COBLL1: variants seen among roughly 807,000 people sequenced by gnomAD.
COBLL1 encodes cordon-bleu protein-like 1.
A neutral mutation model predicts 94.8 loss-of-function variants in COBLL1; 50 were observed. The observed-to-expected ratio is 0.53, with a 90% CI of 0.42 to 0.67. COBLL1 has a LOEUF of 0.67. Among genes scored for constraint, COBLL1 ranks in the 30% least tolerant of loss-of-function variants. The probability of loss-of-function intolerance (pLI) is 0.00; values close to 1 mark genes in which losing one functional copy is unlikely to be tolerated. For synonymous variants in COBLL1, 448 were observed against 473.8 expected (o/e 0.95, Z 0.71); for missense variants, 1,362 against 1,348.7 (o/e 1.01, Z -0.15).
rs775076635 is a variant in COBLL1, at chr2:164,694,702, T to C, written c.2690A>G (p.Lys897Arg). Residue 897 changes from lysine (K) to arginine (R), a missense_variant, in exon 12 of 14, where the codon AAA becomes AGA. Lys to Arg is a conservative substitution (Grantham distance 26, BLOSUM62 2). Coordinates refer to ENST00000652658, the MANE Select transcript of COBLL1 (RefSeq NM_001365672.2). ...TTCTGCCTCTTTATTTGTCAGTTCTTTTGGAGCAGGATTAGGGGCAGCATG... is the reference window on the plus strand; with the variant it reads ...TTCTGCCTCTTTATTTGTCAGTTCTCTTGGAGCAGGATTAGGGGCAGCATG... ...SVHAAPNPAP[K>R]ELTNKEAERD... The C allele has an allele frequency of 1.9e-6, 3 of 1,613,832 alleles. No individual in the cohort carries two copies. Among genetic ancestry groups the C allele is most frequent in the South Asian group, 2.2e-5 (2 of 91,070 alleles).
Position 164,704,988 on chromosome 2 carries a change from G to A in COBLL1, c.1114C>T (p.Pro372Ser). The part of the protein sequence containing the change: ...RKAPSPPSKI[P>S]PHQSDENSRV... ...CTATTTTCATCACTTTGATGCGGGGGTATTTTGGAGGGTGGGGAAGGTGCT... is the reference window on the plus strand; with the variant it reads ...CTATTTTCATCACTTTGATGCGGGGATATTTTGGAGGGTGGGGAAGGTGCT... The change falls in exon 8 of 14, where the codon CCC (proline) becomes TCC (serine). Residue 372 changes from proline (P) to serine (S), a missense_variant. Coordinates refer to ENST00000652658, the MANE Select transcript of COBLL1 (RefSeq NM_001365672.2). The A allele has an allele frequency of 1.9e-6, 3 of 1,597,464 alleles. No homozygotes were observed. Among genetic ancestry groups the A allele is most frequent in the Non-Finnish European group, 1.7e-6 (2 of 1,174,024 alleles).
intron 2 of COBLL1, among the ~76,000 whole-genome samples, chr2:164,776,096 C>T (rs916201013): frequency 6.6e-6 from 1 of 150,828 alleles, no homozygotes; most frequent in African/African-American, 2.4e-5. Context: ...CCCCCCAGTC[C>T]AATTCAACCC....
rs767298330 is a variant in COBLL1 at position 164,682,011 on chromosome 2, A to G, written c.*3935T>C. 4 of 152,218 alleles carry G rather than the reference A, an allele frequency of 2.6e-5. No individual in the cohort carries two copies. Among genetic ancestry groups the G allele is most frequent in the Non-Finnish European group, 4.4e-5 (3 of 68,036 alleles). The allele number at this position is 152,218 out of a possible 1,614,324, so 9.4% of individuals were successfully genotyped here. On this transcript the variant is annotated 3_prime_UTR_variant, in exon 14 of 14. Coordinates refer to ENST00000652658, the MANE Select transcript of COBLL1 (RefSeq NM_001365672.2). ...GAAAACCAACTGAAGATTCAGAACA[A>G]ATAACTTCCTATTCTGGTATCCCTT...
chr2:164,811,581 T>C (rs1034841368), intron 2 of COBLL1, among the ~76,000 whole-genome samples: 5 of 151,948 alleles, frequency 3.3e-5, no homozygotes, highest in African/African-American at 1.2e-4. Context: ...GATTCCAGTA[T>C]CTCTCTCAAT....
chr2:164,803,582 T>TAAATAAAATAAAATAAAATAAAATA (rs141238166), intron 2 of COBLL1, among the ~76,000 whole-genome samples: 15 of 146,420 alleles, frequency 1.0e-4, no homozygotes, highest in African/African-American at 3.3e-4. Context: ...AATAAATAAA[T>TAAATAAAATAAAATAAAATAAAATA]AAATAAAATA....
chr2:164,839,444 C>A (rs1040257630), intron 2 of COBLL1, among the ~76,000 whole-genome samples: 1 of 152,116 alleles, frequency 6.6e-6, no homozygotes, highest in Non-Finnish European at 1.5e-5. Context: ...AATAAAATAT[C>A]AAGAGTAAAG....
chr2:164,703,083 A>G (rs1444545532), intron 9 of COBLL1: 1 of 1,455,208 alleles, frequency 6.9e-7, no homozygotes, highest in Non-Finnish European at 9.6e-7. Context: ...AGCACCAGCC[A>G]GGAAAGGCCT....
chr2:164,748,625 A>G (rs1339603189), intron 2 of COBLL1, among the ~76,000 whole-genome samples: 1 of 152,202 alleles, frequency 6.6e-6, no homozygotes, highest in Non-Finnish European at 1.5e-5. Context: ...CTTATCAAAT[A>G]GATTTTCACA....
At chr2:164,723,069 G>T (rs938454350) in intron 5 of COBLL1, 1 of 152,164 alleles carries the variant, frequency 6.6e-6, no homozygotes, top group African/African-American at 2.4e-5. Context: ...GAGGACATTT[G>T]ACAAAGTCTG....
intron 2 of COBLL1, among the ~76,000 whole-genome samples, chr2:164,786,432 G>A (rs563067727): frequency 6.6e-6 from 1 of 152,272 alleles, no homozygotes; most frequent in Non-Finnish European, 1.5e-5. Context: ...GGTCTTATGG[G>A]ATATGAACTT....
chr2:164,821,333 G>C (rs1454857637), intron 2 of COBLL1, among the ~76,000 whole-genome samples: 1 of 152,190 alleles, frequency 6.6e-6, no homozygotes, highest in Non-Finnish European at 1.5e-5. Context: ...AATTTGTGCT[G>C]TCAAGAGAAC....
intron 3 of COBLL1, among the ~76,000 whole-genome samples, chr2:164,741,200 C>T (rs1320227342): frequency 1.3e-5 from 2 of 151,866 alleles, no homozygotes; most frequent in African/African-American, 4.8e-5. Flanking sequence ...TGCTTGAACC[C>T]GGGAGGTGGA....
intron 4 of COBLL1, 150 bp from the exon 5 acceptor site, chr2:164,728,347 AT>A: frequency 1.7e-6 from 1 of 583,814 alleles, no homozygotes; most frequent in East Asian, 2.9e-5. Context: ...TTTTTGATTA[AT>A]GTTACTTCCT....
At chr2:164,822,781 ATTTTG>A in intron 2 of COBLL1, among the ~76,000 whole-genome samples, 1 of 125,702 alleles carries the variant, frequency 8.0e-6, no homozygotes, top group African/African-American at 3.0e-5. Flanking sequence ...TATTATTATT[ATTTTG>A]GAGACAGAGT....
intron 2 of COBLL1, among the ~76,000 whole-genome samples, chr2:164,836,674 G>T (rs1321336144): frequency 6.6e-6 from 1 of 152,134 alleles, no homozygotes; most frequent in African/African-American, 2.4e-5. Context: ...GCAGCTACAT[G>T]GAATCTTTCA....
At position 164,681,392 on chromosome 2, in the gene COBLL1, G is replaced by C. The variant is rs994404046; in HGVS notation, c.*4554C>G. On this transcript the variant is annotated 3_prime_UTR_variant, in exon 14 of 14. Transcript: ENST00000652658. ...ATTTCAAATACAGTGAAAGCAAGCAGAAACACATGAACCTTTGAGGGCTGG... is the reference window on the plus strand; with the variant it reads ...ATTTCAAATACAGTGAAAGCAAGCACAAACACATGAACCTTTGAGGGCTGG... 6.6e-6 allele frequency: 1 copy of C among 152,112 alleles called. No individual in the cohort carries two copies. The highest frequency in any genetic ancestry group is 1.5e-5 in the Non-Finnish European group (1 of 68,050). 9.4% of individuals were successfully genotyped at this position (152,112 alleles called of 1,614,324 possible).
intron 2 of COBLL1, among the ~76,000 whole-genome samples, chr2:164,819,820 GTTTT>G (rs2105359174): frequency 6.7e-6 from 1 of 149,232 alleles, no homozygotes; most frequent in African/African-American, 2.5e-5. Context: ...TTTTTGTTTT[GTTTT>G]TGTTTGTTTG....
rs1220784756 is a variant in COBLL1, at chr2:164,781,197, T to C, written c.42-37322A>G. Among the ~76,000 whole-genome samples, 3 of 152,358 alleles carry C rather than the reference T, an allele frequency of 2.0e-5. No homozygotes were observed. In the East Asian group the frequency reaches 5.8e-4, roughly 29 times the overall value. On this transcript the variant is annotated intron_variant, in intron 2 of 13. Coordinates refer to ENST00000652658, the MANE Select transcript of COBLL1 (RefSeq NM_001365672.2). Reference sequence around the variant, plus strand: ...AGAGAAAACAAACATTTATCTTCTTTACATTGATTTAAGTTATTAGACTTT... The same window carrying C: ...AGAGAAAACAAACATTTATCTTCTTCACATTGATTTAAGTTATTAGACTTT...
intron 2 of COBLL1, among the ~76,000 whole-genome samples, chr2:164,747,044 G>A (rs1395948856): frequency 6.6e-6 from 1 of 152,064 alleles, no homozygotes; most frequent in Non-Finnish European, 1.5e-5. Context: ...CTGCCATGTA[G>A]TAGGCACTGA....
Sources: gnomAD v4.1 joint callset for allele counts (sites outside exome capture counted in the v4.1 genomes callset) on GRCh38, gnomAD v4.1.1 for gene constraint, MANE v1.5 for transcripts, NCBI Gene and HGNC (gene_info 2026-07-23, HGNC 2026-07-21) for gene names.